Variants in ATP8A2 observed in about 807,000 individuals in gnomAD.
ATP8A2 encodes phospholipid-transporting ATPase IB.
In ATP8A2, 100 loss-of-function variants were observed where a neutral mutation model predicts 165.6. The ratio of observed to expected loss-of-function variants is 0.60; its 90% CI spans 0.51 to 0.71. The LOEUF is 0.71. Among genes scored for constraint, ATP8A2 ranks in the 30% least tolerant of loss-of-function variants. ATP8A2 has a pLI of 0.00. For missense variants in ATP8A2, 1,227 were observed against 1,479.5 expected, an observed-to-expected ratio of 0.83 and a Z score of 2.80; for synonymous variants, 543 against 548.8, an observed-to-expected ratio of 0.99 and a Z score of 0.15.
At chr13:25,388,404 C>T (rs2033130968) in intron 1 of ATP8A2, among the ~76,000 whole-genome samples, 1 of 152,150 alleles carries the variant, frequency 6.6e-6, no homozygotes, top group African/African-American at 2.4e-5. Flanking sequence ...TTTGGCAAGA[C>T]TCACGTCTCT....
chr13:25,728,294 G>A (rs1019971506), intron 25 of ATP8A2, among the ~76,000 whole-genome samples: 14 of 152,196 alleles, frequency 9.2e-5, no homozygotes, highest in Non-Finnish European at 1.6e-4. Flanking sequence ...TTTAGTCCTT[G>A]TTGAAGAAAT....
At chr13:25,727,703 G>T (rs1593256247) in intron 25 of ATP8A2, among the ~76,000 whole-genome samples, 1 of 152,142 alleles carries the variant, frequency 6.6e-6, no homozygotes. Flanking sequence ...CGTAATTGTA[G>T]ATTAACTTTT....
intron 24 of ATP8A2, among the ~76,000 whole-genome samples, chr13:25,686,327 G>T (rs1352647057): frequency 6.6e-6 from 1 of 152,216 alleles, no homozygotes; most frequent in Non-Finnish European, 1.5e-5. Context: ...AGTGCTCCAA[G>T]GAGACCTCTG....
At chr13:25,700,858 T>TA (rs2042937737) in intron 25 of ATP8A2, among the ~76,000 whole-genome samples, 1 of 152,224 alleles carries the variant, frequency 6.6e-6, no homozygotes, top group Non-Finnish European at 1.5e-5. Flanking sequence ...ATATCCATGC[T>TA]AACACTTGTC....
chr13:25,519,878 GA>G (rs968809349), intron 2 of ATP8A2, among the ~76,000 whole-genome samples: 24 of 152,286 alleles, frequency 1.6e-4, no homozygotes, highest in Admixed American at 1.4e-3. Flanking sequence ...CTGGCAGAGT[GA>G]ATGGTAAAAC....
At chr13:25,591,081 CT>C (rs1446219099) in intron 24 of ATP8A2, among the ~76,000 whole-genome samples, 2 of 152,106 alleles carry the variant, frequency 1.3e-5, no homozygotes, top group Admixed American at 1.3e-4. Flanking sequence ...AGTCTTCCCC[CT>C]CTCACACGTC....
chr13:26,017,736 A>C (rs1436589363), intron 36 of ATP8A2, among the ~76,000 whole-genome samples: 1 of 152,188 alleles, frequency 6.6e-6, no homozygotes, highest in Non-Finnish European at 1.5e-5. Flanking sequence ...CCTGGTCAGG[A>C]AGTTCAAGTG....
At chr13:25,732,363 A>G (rs1375650865) in intron 25 of ATP8A2, among the ~76,000 whole-genome samples, 2 of 152,190 alleles carry the variant, frequency 1.3e-5, no homozygotes, top group African/African-American at 4.8e-5. Context: ...GGAGCAAACC[A>G]TTCACACTGC....
At chr13:25,489,119 C>T (rs546852218) in intron 2 of ATP8A2, among the ~76,000 whole-genome samples, 4 of 152,028 alleles carry the variant, frequency 2.6e-5, no homozygotes, top group Non-Finnish European at 5.9e-5. Context: ...TTCACCTTCC[C>T]GATTGCTGGT....
intron 15 of ATP8A2, 72 bp from the exon 16 acceptor site, chr13:25,563,884 A>T: frequency 9.3e-7 from 1 of 1,073,522 alleles, no homozygotes. Context: ...TTGAAGGCAG[A>T]TTCTTTCCAG....
chr13:25,666,025 A>G (rs2042146484), intron 24 of ATP8A2, among the ~76,000 whole-genome samples: 1 of 151,544 alleles, frequency 6.6e-6, no homozygotes, highest in Non-Finnish European at 1.5e-5. Context: ...AAAGAACATC[A>G]AGGGATTGCA....
At chr13:26,013,117 C>A (rs543372531) in intron 36 of ATP8A2, among the ~76,000 whole-genome samples, 2 of 151,708 alleles carry the variant, frequency 1.3e-5, no homozygotes, top group South Asian at 4.2e-4. Context: ...GTGAAACATC[C>A]CCTCTCCACT....
At chr13:25,723,359 A>G (rs553201403) in intron 25 of ATP8A2, among the ~76,000 whole-genome samples, 1 of 152,332 alleles carries the variant, frequency 6.6e-6, no homozygotes, top group Non-Finnish European at 1.5e-5. Context: ...TGAATATTAA[A>G]TGCTATCTCC....
At chr13:25,544,059 T>A (rs1031633172) in intron 10 of ATP8A2, among the ~76,000 whole-genome samples, 1 of 152,268 alleles carries the variant, frequency 6.6e-6, no homozygotes, top group Admixed American at 6.5e-5. Context: ...TCAGCTTGTC[T>A]GTTCTTTTGT....
chr13:25,602,991 G>C (rs992847715), intron 24 of ATP8A2, among the ~76,000 whole-genome samples: 1 of 151,770 alleles, frequency 6.6e-6, no homozygotes, highest in Non-Finnish European at 1.5e-5. Context: ...AGAATTGCTT[G>C]AACATGGGAG....
At chr13:25,761,997 C>T (rs1273760942) in intron 25 of ATP8A2, among the ~76,000 whole-genome samples, 1 of 151,982 alleles carries the variant, frequency 6.6e-6, no homozygotes, top group Non-Finnish European at 1.5e-5. Context: ...TGTGATGGCT[C>T]ATGCCTGTAA....
At chr13:25,752,192 G>A (rs1482795364) in intron 25 of ATP8A2, among the ~76,000 whole-genome samples, 2 of 152,100 alleles carry the variant, frequency 1.3e-5, no homozygotes, top group African/African-American at 2.4e-5. Flanking sequence ...CAGGCGCAGT[G>A]GCTCACGCCT....
intron 25 of ATP8A2, among the ~76,000 whole-genome samples, chr13:25,754,711 T>G (rs2044224678): frequency 6.6e-6 from 1 of 152,130 alleles, no homozygotes; most frequent in African/African-American, 2.4e-5. Flanking sequence ...TTATAATATT[T>G]AAGAATCATT....
At chr13:25,806,748 T>G (rs1306883901) in intron 27 of ATP8A2, among the ~76,000 whole-genome samples, 1 of 152,186 alleles carries the variant, frequency 6.6e-6, no homozygotes, top group Non-Finnish European at 1.5e-5. Context: ...TTTGAGGAAC[T>G]GTTGAACTGT....
Sources: gnomAD v4.1 joint callset for allele counts (sites outside exome capture counted in the v4.1 genomes callset) on GRCh38, gnomAD v4.1.1 for gene constraint, MANE v1.5 for transcripts, NCBI Gene and HGNC (gene_info 2026-07-23, HGNC 2026-07-21) for gene names.